The following QRICH1 variants were observed in gnomAD, a reference collection of about 807,000 sequenced individuals.
QRICH1 encodes glutamine rich 1.
QRICH1 carries 16 observed loss-of-function variants against 87.1 expected under a neutral mutation model. The ratio of observed to expected loss-of-function variants is 0.18; its 90% CI spans 0.12 to 0.28. QRICH1 has a LOEUF of 0.28. Among genes scored for constraint, QRICH1 ranks in the 10% least tolerant of loss-of-function variants. QRICH1 has a pLI of 1.00. For synonymous variants in QRICH1, 367 were observed against 368.4 expected (o/e 1.00, Z 0.05); for missense variants, 647 against 951.7 (o/e 0.68, Z 4.21).
intron 9 of QRICH1, among the ~76,000 whole-genome samples, chr3:49,031,190 G>C (rs1039565201): frequency 2.0e-5 from 3 of 151,948 alleles, no homozygotes; most frequent in African/African-American, 7.3e-5. Context: ...GTTTTTCCAT[G>C]TTGGCCAGGC....
At chr3:49,039,925 G>A (rs2093300185) in intron 6 of QRICH1, among the ~76,000 whole-genome samples, 1 of 152,016 alleles carries the variant, frequency 6.6e-6, no homozygotes, top group African/African-American at 2.4e-5. Flanking sequence ...AGCTGGGCGT[G>A]GGGCACATGC....
intron 1 of QRICH1, among the ~76,000 whole-genome samples, chr3:49,079,819 A>G (rs1279219478): frequency 6.6e-6 from 1 of 152,224 alleles, no homozygotes; most frequent in Non-Finnish European, 1.5e-5. Context: ...ACCTGAGGTC[A>G]GGAGTTTGAG....
rs1274473244 is a variant in QRICH1, at chr3:49,076,840, T to C, written c.178A>G (p.Asn60Asp). 1.9e-6 allele frequency: 3 copies of C among 1,614,010 alleles called. No homozygotes were observed. Among genetic ancestry groups the C allele is most frequent in the Non-Finnish European group, 2.5e-6 (3 of 1,179,948 alleles). Residue 60 changes from asparagine to aspartate, a missense_variant, in exon 2 of 10, where the codon AAC becomes GAC. Around this residue, in one of 7 missense-constraint regions of QRICH1, gnomAD observed 56 missense variants for 109.6 expected, o/e 0.51. Coordinates refer to ENST00000395443, the MANE Select transcript of QRICH1 (RefSeq NM_198880.3). Reference protein sequence around the residue: ...TTTMVYQQGGNCIYTDSTEVA... With the variant: ...TTTMVYQQGGDCIYTDSTEVA... ...TCAGTGCTGTCTGTGTATATGCAGT[T>C]CCCACCCTGTTGGTACACCATGGTA...
At chr3:49,041,354 TG>T (rs2093308695) in intron 6 of QRICH1, among the ~76,000 whole-genome samples, 1 of 151,966 alleles carries the variant, frequency 6.6e-6, no homozygotes, top group African/African-American at 2.4e-5. Context: ...TGTGTGTGTG[TG>T]TGTGTGTTTT....
At chr3:49,030,767 G>A (rs889075027) in intron 9 of QRICH1, 123 bp from the exon 10 acceptor site, 12 of 835,950 alleles carry the variant, frequency 1.4e-5, no homozygotes, top group Non-Finnish European at 2.0e-5. Context: ...CACAGCTACT[G>A]AATTCCATGC....
chr3:49,078,365 G>GA (rs931938917), intron 1 of QRICH1, among the ~76,000 whole-genome samples: 11 of 145,334 alleles, frequency 7.6e-5, no homozygotes, highest in African/African-American at 2.8e-4. Flanking sequence ...ATTCAATGTG[G>GA]AAAACGAAGA....
chr3:49,039,033 A>G (rs964002165), intron 6 of QRICH1, among the ~76,000 whole-genome samples: 1 of 152,104 alleles, frequency 6.6e-6, no homozygotes, highest in Non-Finnish European at 1.5e-5. Context: ...TCTCAAAAAA[A>G]TAAATAAATA....
chr3:49,032,786 TA>T lies in QRICH1; in HGVS notation c.1896-14del. The T allele has an allele frequency of 6.2e-7, 1 of 1,600,216 alleles. No individual in the cohort carries two copies. Among genetic ancestry groups the T allele is most frequent in the Non-Finnish European group, 8.5e-7 (1 of 1,175,134 alleles). On this transcript the variant is annotated splice_polypyrimidine_tract_variant and intron_variant, in intron 7 of 9. Coordinates refer to ENST00000395443, the MANE Select transcript of QRICH1 (RefSeq NM_198880.3). ...CAATAGGAAGTACCTGGATCACAAG[TA>T]AAATGCAAGGCAGAGGGAGGGGTGC...
chr3:49,050,847 A>G (rs1341485960), intron 3 of QRICH1, among the ~76,000 whole-genome samples: 1 of 152,164 alleles, frequency 6.6e-6, no homozygotes, highest in Non-Finnish European at 1.5e-5. Flanking sequence ...CCCAATAGCA[A>G]CAGAAGCCGC....
intron 2 of QRICH1, among the ~76,000 whole-genome samples, chr3:49,060,356 G>C (rs2093427762): frequency 6.6e-6 from 1 of 150,920 alleles, no homozygotes; most frequent in Non-Finnish European, 1.5e-5. Flanking sequence ...ACCACGACTG[G>C]CTAATTTTTT....
In QRICH1 at chr3:49,057,996, A is replaced by G; in HGVS notation, c.310-106T>C. Reference sequence around the variant, plus strand: ...CCAGACAGGGGACCTGCAAAATGTGAGAAAACACTGGCATACTCAAGGCTT... The same window carrying G: ...CCAGACAGGGGACCTGCAAAATGTGGGAAAACACTGGCATACTCAAGGCTT... On this transcript the variant is annotated intron_variant, in intron 2 of 9. Coordinates refer to ENST00000395443, the MANE Select transcript of QRICH1 (RefSeq NM_198880.3). The surrounding 1 kb of genome is among the most constrained non-coding windows in gnomAD (Gnocchi z 5.4). 6.3e-7 allele frequency: 1 copy of G among 1,577,564 alleles called. No homozygotes were observed. Among genetic ancestry groups the G allele is most frequent in the Non-Finnish European group, 8.6e-7 (1 of 1,164,540 alleles).
intron 6 of QRICH1, among the ~76,000 whole-genome samples, chr3:49,038,824 C>A (rs1044267449): frequency 5.3e-5 from 8 of 152,002 alleles, no homozygotes; most frequent in African/African-American, 7.2e-5. Flanking sequence ...GTTAGAGGTT[C>A]AAGACAAGCC....
At chr3:49,047,044 C>T (rs747744164) in intron 4 of QRICH1, 25 bp downstream of exon 4, 1 of 1,597,294 alleles carries the variant, frequency 6.3e-7, no homozygotes, top group Non-Finnish European at 8.6e-7. Flanking sequence ...TTAGACACAG[C>T]CCACTCTTCT....
intron 2 of QRICH1, among the ~76,000 whole-genome samples, chr3:49,060,350 C>T (rs6789285): frequency 0.66 from 99,409 of 151,522 alleles, 33,285 homozygotes; most frequent in East Asian, 0.96. Flanking sequence ...CCCGCCACCA[C>T]GACTGGCTAA....
intron 6 of QRICH1, among the ~76,000 whole-genome samples, chr3:49,038,884 G>A (rs1300348517): frequency 6.6e-6 from 1 of 152,020 alleles, no homozygotes; most frequent in Non-Finnish European, 1.5e-5. Flanking sequence ...AAAATTATCC[G>A]GGTGTGGCAG....
intron 2 of QRICH1, 24 bp downstream of exon 2, chr3:49,076,685 T>C: frequency 6.6e-7 from 1 of 1,505,670 alleles, no homozygotes; most frequent in Non-Finnish European, 8.9e-7. Context: ...TTAAACAGGC[T>C]GCACCTCAGC....
intron 6 of QRICH1, among the ~76,000 whole-genome samples, chr3:49,043,496 CAAAAAAAAAAAAAAAAAA>C (rs57402124): frequency 2.7e-5 from 1 of 37,630 alleles, no homozygotes; most frequent in Non-Finnish European, 6.1e-5. Context: ...AACTCTGTCT[CAAAAAAAAAAAAAAAAAA>C]AAAAAAAAAG....
chr3:49,046,444 A>G lies in QRICH1; in HGVS notation c.1652T>C (p.Ile551Thr). 1 of 1,613,912 alleles carries G rather than the reference A, an allele frequency of 6.2e-7. No individual in the cohort carries two copies. The highest frequency in any genetic ancestry group is 8.5e-7 in the Non-Finnish European group (1 of 1,179,976). ...EPYDPDVLYY[I>T]FLCIQKYLFE... The stretch of plus-strand genomic sequence containing the variant: ...TCCTACCTTTTGAATACACAGGAAA[A>G]TATAGTAGAGCACATCTGGGTCATA... Residue 551 changes from isoleucine to threonine, a missense_variant, in exon 5 of 10, where the codon ATT becomes ACT. Coordinates refer to ENST00000395443, the MANE Select transcript of QRICH1 (RefSeq NM_198880.3).
At chr3:49,042,103 C>T (rs913114652) in intron 6 of QRICH1, among the ~76,000 whole-genome samples, 1 of 39,842 alleles carries the variant, frequency 2.5e-5, no homozygotes, top group Admixed American at 2.1e-4. Context: ...GGCGGGGGGG[C>T]GGGGGTGGCA....
Sources: allele counts gnomAD v4.1 joint callset (sites outside exome capture counted in the v4.1 genomes callset), GRCh38; gene constraint gnomAD v4.1.1; regional missense constraint gnomAD v4.1.1; non-coding constraint Gnocchi (gnomAD v3.1); transcripts MANE v1.5; gene names NCBI Gene and HGNC (gene_info 2026-07-23, HGNC 2026-07-21).